Variants in AGPS observed in about 807,000 individuals in gnomAD.
AGPS encodes the protein alkyldihydroxyacetonephosphate synthase, peroxisomal.
A neutral mutation model predicts 90.7 loss-of-function variants in AGPS; 26 were observed. The ratio of observed to expected loss-of-function variants is 0.29; its 90% CI spans 0.21 to 0.40. The LOEUF (loss-of-function observed/expected upper bound fraction) is 0.40. Ranked by LOEUF, AGPS falls within the 10% of genes least tolerant of loss-of-function variation. The pLI is 1.00. For synonymous variants in AGPS, 294 were observed against 285.3 expected, an observed-to-expected ratio of 1.03 and a Z score of -0.31; for missense variants, 540 against 816.1, an observed-to-expected ratio of 0.66 and a Z score of 4.12.
At chr2:177,456,038 G>C (rs1012227378) in intron 8 of AGPS, among the ~76,000 whole-genome samples, 1 of 152,138 alleles carries the variant, frequency 6.6e-6, no homozygotes, top group Non-Finnish European at 1.5e-5. Context: ...AAGAAATCTT[G>C]AGTCAGACAT....
At chr2:177,432,937 G>A (rs2105624743) in intron 2 of AGPS, among the ~76,000 whole-genome samples, 1 of 152,244 alleles carries the variant, frequency 6.6e-6, no homozygotes, top group East Asian at 1.9e-4. Flanking sequence ...TAAACAACCA[G>A]CTCTTGAGGG....
intron 3 of AGPS, among the ~76,000 whole-genome samples, chr2:177,436,182 C>A (rs1352788709): frequency 7.7e-6 from 1 of 129,546 alleles, no homozygotes; most frequent in South Asian, 2.5e-4. Context: ...GCTCTGTCTC[C>A]CAGAGCTCTG....
intron 14 of AGPS, among the ~76,000 whole-genome samples, chr2:177,504,906 C>T (rs954347457): frequency 3.3e-5 from 5 of 152,010 alleles, no homozygotes; most frequent in Non-Finnish European, 7.4e-5. Flanking sequence ...TTAATTCTAA[C>T]TAGATCATCA....
At chr2:177,512,750 A>G (rs997104361) in intron 16 of AGPS, among the ~76,000 whole-genome samples, 2 of 152,262 alleles carry the variant, frequency 1.3e-5, no homozygotes, top group African/African-American at 2.4e-5. Context: ...CCAGCATAAC[A>G]CATTAATACT....
chr2:177,402,486 C>T (rs1175886360), intron 1 of AGPS, among the ~76,000 whole-genome samples: 1 of 152,166 alleles, frequency 6.6e-6, no homozygotes, highest in Non-Finnish European at 1.5e-5. Context: ...TCAGCTTTTA[C>T]ACCTTTTATT....
At chr2:177,469,013 A>G (rs1176690391) in intron 10 of AGPS, among the ~76,000 whole-genome samples, 2 of 152,078 alleles carry the variant, frequency 1.3e-5, no homozygotes, top group African/African-American at 4.8e-5. Flanking sequence ...TCACTACACA[A>G]ATAGTATCAT....
chr2:177,398,449 G>A (rs2105583618), intron 1 of AGPS, among the ~76,000 whole-genome samples: 1 of 152,274 alleles, frequency 6.6e-6, no homozygotes, highest in East Asian at 1.9e-4. Flanking sequence ...AGGAACTAGA[G>A]GCTTAGAGAA....
intron 8 of AGPS, among the ~76,000 whole-genome samples, chr2:177,446,483 AAGGCTAGTGTGTGTATGGGAGAACATG>A: frequency 6.6e-6 from 1 of 152,102 alleles, no homozygotes; most frequent in Non-Finnish European, 1.5e-5. Context: ...AATATGGCTG[AAGGCTAGTGTGTGTATGGGAGAACATG>A]TCTTCTTGGT....
At chr2:177,464,192 C>T (rs567581278) in intron 9 of AGPS, among the ~76,000 whole-genome samples, 319 of 152,300 alleles carry the variant, frequency 2.1e-3, no homozygotes, top group Middle Eastern at 6.8e-3. Context: ...CCTCCTGCCT[C>T]GGCCTCCCAA....
At chr2:177,508,105 G>A in intron 16 of AGPS, 74 bp downstream of exon 16, 1 of 1,153,322 alleles carries the variant, frequency 8.7e-7, no homozygotes, top group Non-Finnish European at 1.3e-6. Flanking sequence ...TTCTTTTTGT[G>A]TGAATATGTA....
At chr2:177,511,447 A>G (rs80339394) in intron 16 of AGPS, among the ~76,000 whole-genome samples, 3,271 of 152,208 alleles carry the variant, frequency 0.021, 76 homozygotes, top group South Asian at 0.056. Context: ...TAAAACCAAG[A>G]AAGTGGATAC....
rs749991167 is a variant in AGPS, at chr2:177,521,359, A to G, written c.1788A>G (p.Glu596=). Residue 596 remains glutamate (E), a synonymous_variant, in exon 18 of 20, where the codon GAA becomes GAG. Transcript: ENST00000264167. ...RGISDPLTVF[E]QTEAAAREEI... Reference sequence around the variant, plus strand: ...TTAGTGACCCACTGACCGTATTTGAACAAACTGAGGTAATTTTGCATACCT... The same window carrying G: ...TTAGTGACCCACTGACCGTATTTGAGCAAACTGAGGTAATTTTGCATACCT... 6.2e-7 allele frequency: 1 copy of G among 1,613,130 alleles called. No individual in the cohort carries two copies. Among genetic ancestry groups the G allele is most frequent in the Admixed American group, 1.7e-5 (1 of 60,018 alleles).
chr2:177,410,855 C>G (rs1175448081), intron 1 of AGPS, among the ~76,000 whole-genome samples: 1 of 152,188 alleles, frequency 6.6e-6, no homozygotes, highest in Non-Finnish European at 1.5e-5. Flanking sequence ...GCTTCTGACT[C>G]AGAGATCCTT....
rs112072819 is a variant in AGPS at position 177,493,294 on chromosome 2, G to T, written c.1285+95G>T. ...TACGGAGTGCAGAGGTAGAAAGAACGTCAGTCTTGCCTTTCAGGAAGATGT... is the reference window on the plus strand; with the variant it reads ...TACGGAGTGCAGAGGTAGAAAGAACTTCAGTCTTGCCTTTCAGGAAGATGT... On this transcript the variant is annotated intron_variant, in intron 12 of 19. Transcript: ENST00000264167. 133 of 1,084,106 alleles carry T rather than the reference G, an allele frequency of 1.2e-4. 2 individuals are homozygous for T. The Admixed American group carries it at 2.1e-3, about 17-fold the overall frequency. 67.2% of individuals were successfully genotyped at this position (1,084,106 alleles called of 1,614,324 possible).
At chr2:177,422,628 C>T (rs1324973288) in intron 2 of AGPS, among the ~76,000 whole-genome samples, 2 of 152,084 alleles carry the variant, frequency 1.3e-5, no homozygotes, top group African/African-American at 4.8e-5. Flanking sequence ...AAGGATAATT[C>T]CCCAAACGTA....
chr2:177,504,993 G>C (rs1221584432), intron 14 of AGPS, among the ~76,000 whole-genome samples: 1 of 151,998 alleles, frequency 6.6e-6, no homozygotes, highest in Non-Finnish European at 1.5e-5. Flanking sequence ...CCTTACCTGT[G>C]TTGGTCTTGT....
At chr2:177,504,123 C>T (rs1688639512) in intron 14 of AGPS, among the ~76,000 whole-genome samples, 1 of 152,198 alleles carries the variant, frequency 6.6e-6, no homozygotes, top group Non-Finnish European at 1.5e-5. Context: ...CTACTCCTCA[C>T]TCTCTTTTCC....
At position 177,463,263 on chromosome 2, in the gene AGPS, C is replaced by T. The variant is rs117602272; in HGVS notation, c.996+1245C>T. Among the ~76,000 whole-genome samples, 617 of 152,178 alleles carry T rather than the reference C, an allele frequency of 4.1e-3. 5 individuals are homozygous for T. Among genetic ancestry groups the T allele is most frequent in the East Asian group, 0.032 (167 of 5,188 alleles). ...GTGTGAATTTGTACAAATTGGTTTACGTTTCTAAACTTCAGTTTCCTCTTC... is the reference window on the plus strand; with the variant it reads ...GTGTGAATTTGTACAAATTGGTTTATGTTTCTAAACTTCAGTTTCCTCTTC... On this transcript the variant is annotated intron_variant, in intron 9 of 19. Transcript: ENST00000264167.
At chr2:177,477,443 T>TGAA (rs1168719171) in intron 10 of AGPS, among the ~76,000 whole-genome samples, 5 of 152,102 alleles carry the variant, frequency 3.3e-5, no homozygotes, top group Non-Finnish European at 5.9e-5. Context: ...CATCCAAACA[T>TGAA]GAAGATCCAA....
Sources: gnomAD v4.1 joint callset for allele counts (sites outside exome capture counted in the v4.1 genomes callset) on GRCh38, gnomAD v4.1.1 for gene constraint, MANE v1.5 for transcripts, NCBI Gene and HGNC (gene_info 2026-07-23, HGNC 2026-07-21) for gene names.